The following PGM1 variants were observed in gnomAD, a reference collection of about 807,000 sequenced individuals.
PGM1 encodes phosphoglucomutase-1.
A neutral mutation model predicts 55.6 loss-of-function variants in PGM1; 52 were observed. The observed-to-expected ratio is 0.94, with a 90% confidence interval of 0.75 to 1.18. The LOEUF (loss-of-function observed/expected upper bound fraction) is 1.18. PGM1 is among the 50% of genes most tolerant of loss of function. PGM1 has a pLI of 0.00. For missense variants in PGM1, 724 were observed against 729.3 expected, an observed-to-expected ratio of 0.99 and a Z score of 0.08; for synonymous variants, 287 against 271.7, an observed-to-expected ratio of 1.06 and a Z score of -0.55.
At chr1:63,617,692 C>A (rs1648774881) in intron 1 of PGM1, among the ~76,000 whole-genome samples, 1 of 132,932 alleles carries the variant, frequency 7.5e-6, no homozygotes, top group East Asian at 2.4e-4. Flanking sequence ...TGCACAACTG[C>A]ACTCCAGCCT....
intron 10 of PGM1, among the ~76,000 whole-genome samples, chr1:63,656,571 G>GGTGTGTGTGTGT (rs10629750): frequency 6.2e-5 from 9 of 144,340 alleles, no homozygotes; most frequent in African/African-American, 1.1e-4. Flanking sequence ...AAGACATTGT[G>GGTGTGTGTGTGT]GTGTGTGTGT....
At chr1:63,593,806 C>G in intron 1 of PGM1, 72 bp downstream of exon 1, 2 of 1,444,680 alleles carry the variant, frequency 1.4e-6, no homozygotes, top group South Asian at 1.4e-5. Flanking sequence ...GGCGCCCTCC[C>G]TCGCTCGGGG....
chr1:63,604,511 A>G (rs1335069500), intron 1 of PGM1, among the ~76,000 whole-genome samples: 8 of 152,008 alleles, frequency 5.3e-5, no homozygotes, highest in Non-Finnish European at 7.4e-5. Flanking sequence ...GTACCTGACT[A>G]TTGCTCACAA....
At chr1:63,622,775 AT>A (rs765730079) in intron 1 of PGM1, among the ~76,000 whole-genome samples, 10 of 152,270 alleles carry the variant, frequency 6.6e-5, no homozygotes, top group East Asian at 1.9e-4. Flanking sequence ...CTGTTAGATA[AT>A]TTTTTTCCTG....
Position 63,656,565 on chromosome 1 carries a change from C to T in PGM1, c.1599+2099C>T, listed in dbSNP as rs976109005. 5.8e-4 allele frequency among the ~76,000 whole-genome samples: 80 copies of T among 138,890 alleles called. 1 individual carries two copies. In the Admixed American group the frequency reaches 5.9e-3, roughly 10 times the overall value. The allele number at this position is 138,890 out of a possible 152,430, so 91.1% of individuals were successfully genotyped here. On this transcript the variant is annotated intron_variant, in intron 10 of 10. Transcript: ENST00000371084. ...GTGCCCATCTACAGATGAATGAAGA[C>T]ATTGTGGTGTGTGTGTGTGTGTGTG...
chr1:63,642,407 G>C (rs1268760822), intron 7 of PGM1, among the ~76,000 whole-genome samples: 4 of 152,210 alleles, frequency 2.6e-5, no homozygotes, highest in African/African-American at 9.7e-5. Context: ...ATGGGGACCA[G>C]AACTGGACAG....
chr1:63,646,131 C>T (rs894794932), intron 7 of PGM1, among the ~76,000 whole-genome samples: 5 of 152,124 alleles, frequency 3.3e-5, no homozygotes, highest in African/African-American at 4.8e-5. Flanking sequence ...AAAAACACCA[C>T]GTGCCTCCTG....
chr1:63,636,143 GT>G (rs1163129804), intron 5 of PGM1, 90 bp from the exon 6 acceptor site: 158 of 1,274,836 alleles, frequency 1.2e-4, no homozygotes, highest in Non-Finnish European at 4.5e-6. Context: ...AAATTTTATA[GT>G]TTTACATTTT....
intron 1 of PGM1, among the ~76,000 whole-genome samples, chr1:63,596,786 T>C (rs563317426): frequency 7.2e-5 from 11 of 152,304 alleles, no homozygotes; most frequent in African/African-American, 2.4e-4. Flanking sequence ...AATTTTCCGT[T>C]TACATGTCAA....
chr1:63,638,000 A>G (rs1649407656), intron 6 of PGM1, among the ~76,000 whole-genome samples: 1 of 116,772 alleles, frequency 8.6e-6, no homozygotes, highest in Non-Finnish European at 1.7e-5. Flanking sequence ...GTTCAAAGGG[A>G]AAGGAATTTT....
Position 63,639,809 on chromosome 1 carries a change from T to C in PGM1, c.1144+1009T>C, listed in dbSNP as rs188925659. Among the ~76,000 whole-genome samples the C allele has an allele frequency of 4.1e-3, 629 of 152,270 alleles. 3 individuals carry two copies. Among genetic ancestry groups the C allele is most frequent in the African/African-American group, 0.014 (587 of 41,558 alleles). On this transcript the variant is annotated intron_variant, in intron 7 of 10. Coordinates refer to ENST00000371084, the MANE Select transcript of PGM1 (RefSeq NM_002633.3). ...GACTTCATTTCCTTTCCTATAAGTCTGGAGGTAGAGCAGGTAGAATGAGCT... is the reference window on the plus strand; with the variant it reads ...GACTTCATTTCCTTTCCTATAAGTCCGGAGGTAGAGCAGGTAGAATGAGCT...
intron 10 of PGM1, among the ~76,000 whole-genome samples, chr1:63,657,629 C>T (rs1056985685): frequency 2.6e-5 from 4 of 152,202 alleles, no homozygotes; most frequent in Admixed American, 2.6e-4. Flanking sequence ...ACAGCACCTC[C>T]CTGCTTCTCC....
intron 1 of PGM1, among the ~76,000 whole-genome samples, chr1:63,627,705 G>A (rs950209216): frequency 1.1e-4 from 17 of 152,094 alleles, no homozygotes; most frequent in African/African-American, 2.2e-4. Flanking sequence ...CATGGGTGGT[G>A]TAGCTTAATA....
At chr1:63,619,602 T>C (rs1287442428) in intron 1 of PGM1, among the ~76,000 whole-genome samples, 1 of 152,180 alleles carries the variant, frequency 6.6e-6, no homozygotes, top group African/African-American at 2.4e-5. Flanking sequence ...AACATATTGG[T>C]TTATATTCTT....
At chr1:63,612,654 C>G (rs1013113901) in intron 1 of PGM1, among the ~76,000 whole-genome samples, 2 of 152,158 alleles carry the variant, frequency 1.3e-5, no homozygotes, top group African/African-American at 2.4e-5. Context: ...CTGCAGTTAT[C>G]CTGGGAAGCA....
At chr1:63,648,941 T>A (rs1429290955) in intron 8 of PGM1, among the ~76,000 whole-genome samples, 1 of 152,240 alleles carries the variant, frequency 6.6e-6, no homozygotes, top group Non-Finnish European at 1.5e-5. Flanking sequence ...AACATTGGAT[T>A]TGGATTCAGA....
At chr1:63,596,322 A>G (rs2100951756) in intron 1 of PGM1, among the ~76,000 whole-genome samples, 1 of 139,102 alleles carries the variant, frequency 7.2e-6, no homozygotes, top group African/African-American at 2.7e-5. Context: ...GCAGTGGCGC[A>G]ATCAGCTCAC....
chr1:63,630,814 T>A (rs1570495176), intron 3 of PGM1, among the ~76,000 whole-genome samples: 1 of 152,256 alleles, frequency 6.6e-6, no homozygotes. Flanking sequence ...ACATGTTTTC[T>A]TTCTTCTGGA....
chr1:63,658,620 C>T (rs931464509), intron 10 of PGM1, among the ~76,000 whole-genome samples: 2 of 151,960 alleles, frequency 1.3e-5, no homozygotes, highest in Non-Finnish European at 2.9e-5. Context: ...GGCGTGGTGG[C>T]GCATGCCTGT....
Sources: allele counts gnomAD v4.1 joint callset (sites outside exome capture counted in the v4.1 genomes callset), GRCh38; gene constraint gnomAD v4.1.1; transcripts MANE v1.5; gene names NCBI Gene and HGNC (gene_info 2026-07-23, HGNC 2026-07-21).